GRK5: variants seen among roughly 807,000 people sequenced by gnomAD.
GRK5 encodes G protein-coupled receptor kinase 5.
In GRK5, 40 loss-of-function variants were observed where a neutral mutation model predicts 78.4. That is an observed-to-expected ratio of 0.51 (90% CI 0.40 to 0.66). The LOEUF (loss-of-function observed/expected upper bound fraction) is 0.66, where lower values mean the gene tolerates loss of function less well. GRK5 is among the 30% of genes least tolerant of loss of function. GRK5 has a pLI of 0.00. For synonymous variants in GRK5, 289 were observed against 296.8 expected, an observed-to-expected ratio of 0.97 and a Z score of 0.27; for missense variants, 598 against 759.9, an observed-to-expected ratio of 0.79 and a Z score of 2.50.
intron 1 of GRK5, among the ~76,000 whole-genome samples, chr10:119,224,757 C>T (rs1848708753): frequency 6.6e-6 from 1 of 152,134 alleles, no homozygotes; most frequent in Non-Finnish European, 1.5e-5. Context: ...GGTATCTTCT[C>T]CTGCTGTGCA....
chr10:119,411,250 T>G (rs1245732054), intron 4 of GRK5, among the ~76,000 whole-genome samples: 2 of 152,080 alleles, frequency 1.3e-5, no homozygotes, highest in Non-Finnish European at 2.9e-5. Context: ...GCAAGAGTGG[T>G]GGTGTGTGTC....
At chr10:119,393,717 C>T (rs777796149) in intron 3 of GRK5, among the ~76,000 whole-genome samples, 4 of 152,338 alleles carry the variant, frequency 2.6e-5, no homozygotes, top group Non-Finnish European at 2.9e-5. Flanking sequence ...ACTGCTGCCC[C>T]GTCGCTTGCT....
chr10:119,350,075 G>A (rs1851166571), intron 2 of GRK5, among the ~76,000 whole-genome samples: 1 of 152,254 alleles, frequency 6.6e-6, no homozygotes, highest in African/African-American at 2.4e-5. Flanking sequence ...ACCAGCTCAT[G>A]GCCAGAATGT....
intron 2 of GRK5, among the ~76,000 whole-genome samples, chr10:119,376,255 G>A (rs1447384058): frequency 6.6e-6 from 1 of 152,092 alleles, no homozygotes; most frequent in Non-Finnish European, 1.5e-5. Flanking sequence ...TCTTCCAAAT[G>A]TCACATCACA....
Position 119,452,826 on chromosome 10 carries a change from C to T in GRK5, c.1542+18C>T. ...AAAACGAGGTGAGCAGGGCAGACCA[C>T]TTGCTTTGGTCTGGGTGGGAGGGAG... is the stretch of plus-strand genomic sequence containing the variant. On this transcript the variant is annotated intron_variant, in intron 14 of 15. Coordinates refer to ENST00000392870, the MANE Select transcript of GRK5 (RefSeq NM_005308.3). The surrounding 1 kb of genome is among the most constrained non-coding windows in gnomAD (Gnocchi z 4.4). 1 of 721,454 alleles carries T rather than the reference C, an allele frequency of 1.4e-6. No homozygotes were observed. The highest frequency in any genetic ancestry group is 5.5e-5 in the East Asian group (1 of 18,328). The allele number at this position is 721,454 out of a possible 1,614,324, so 44.7% of individuals were successfully genotyped here. A position where few individuals can be genotyped will look rare whatever the true frequency, so the allele number is the denominator to read the frequency against.
At chr10:119,391,153 C>T (rs980936178) in intron 3 of GRK5, among the ~76,000 whole-genome samples, 6 of 152,238 alleles carry the variant, frequency 3.9e-5, no homozygotes, top group African/African-American at 1.4e-4. Flanking sequence ...AGGTTCCATC[C>T]CATCTATTGC....
intron 9 of GRK5, among the ~76,000 whole-genome samples, chr10:119,437,752 T>G (rs1375258229): frequency 6.6e-6 from 1 of 152,228 alleles, no homozygotes; most frequent in African/African-American, 2.4e-5. Flanking sequence ...AATATATAGA[T>G]ACATACAAGA....
chr10:119,411,598 C>T (rs1400399374), intron 4 of GRK5, among the ~76,000 whole-genome samples: 2 of 152,046 alleles, frequency 1.3e-5, no homozygotes, highest in African/African-American at 2.4e-5. Flanking sequence ...AGGTTAGGTA[C>T]AAAAGTGAAT....
rs200032358 is a variant in GRK5 at position 119,306,129 on chromosome 10, G to C, written c.53-20387G>C. 2.0e-4 allele frequency among the ~76,000 whole-genome samples: 30 copies of C among 152,266 alleles called. No homozygotes were observed. In the East Asian group the frequency reaches 4.1e-3, roughly 21 times the overall value. ...CCCGCCTGGGCTGGATTTGGGGGAG[G>C]GGGGAGCCTTTTGGATGAGTCAGTC... On this transcript the variant is annotated intron_variant, in intron 1 of 15. Transcript: ENST00000392870.
chr10:119,397,409 G>A (rs1208999070), intron 4 of GRK5, among the ~76,000 whole-genome samples: 1 of 152,168 alleles, frequency 6.6e-6, no homozygotes, highest in East Asian at 1.9e-4. Flanking sequence ...GTGTTCTAGT[G>A]TCAGTGGTTC....
At chr10:119,374,430 C>G (rs1278955765) in intron 2 of GRK5, among the ~76,000 whole-genome samples, 1 of 152,160 alleles carries the variant, frequency 6.6e-6, no homozygotes, top group Non-Finnish European at 1.5e-5. Context: ...CCCAAGCACC[C>G]AAACCTCACC....
Position 119,430,020 on chromosome 10 carries a change from G to A in GRK5, c.534-355G>A, listed in dbSNP as rs1564932042. ...CACCCCTTCCTGCACAGAAGGCACA[G>A]CTTCCTTCTGAGTTTCGCCGCATGA... On this transcript the variant is annotated intron_variant, in intron 6 of 15. Coordinates refer to ENST00000392870, the MANE Select transcript of GRK5 (RefSeq NM_005308.3). The surrounding 1 kb of genome is among the most constrained non-coding windows in gnomAD (Gnocchi z 4.5). 6.6e-6 allele frequency among the ~76,000 whole-genome samples: 1 copy of A among 152,170 alleles called. No homozygotes were observed.
intron 4 of GRK5, among the ~76,000 whole-genome samples, chr10:119,407,053 G>A (rs1029877495): frequency 2.6e-5 from 4 of 152,214 alleles, no homozygotes; most frequent in South Asian, 2.1e-4. Flanking sequence ...GGCCCCGCAC[G>A]CAGTTTTATC....
At chr10:119,293,601 G>T (rs975162583) in intron 1 of GRK5, among the ~76,000 whole-genome samples, 3 of 152,218 alleles carry the variant, frequency 2.0e-5, no homozygotes, top group Non-Finnish European at 4.4e-5. Context: ...CAGGTACCAA[G>T]TATCAGGCAA....
At chr10:119,330,005 G>A (rs192332336) in intron 2 of GRK5, among the ~76,000 whole-genome samples, 115 of 151,804 alleles carry the variant, frequency 7.6e-4, no homozygotes, top group African/African-American at 2.7e-3. Flanking sequence ...TGGGATTACA[G>A]GTACCTGCCA....
At chr10:119,322,282 G>A (rs7091519) in intron 1 of GRK5, among the ~76,000 whole-genome samples, 1 of 152,100 alleles carries the variant, frequency 6.6e-6, no homozygotes, top group Admixed American at 6.5e-5. Context: ...AGCCAACCAT[G>A]CTTTGTTCCA....
At chr10:119,239,507 A>T (rs1848985760) in intron 1 of GRK5, among the ~76,000 whole-genome samples, 1 of 152,112 alleles carries the variant, frequency 6.6e-6, no homozygotes, top group South Asian at 2.1e-4. Flanking sequence ...AAGTCCTGGG[A>T]TTACAGGCAT....
chr10:119,414,030 G>T (rs572796829), intron 4 of GRK5, among the ~76,000 whole-genome samples: 4 of 152,316 alleles, frequency 2.6e-5, no homozygotes, highest in African/African-American at 9.6e-5. Context: ...GGCCTCCCAA[G>T]AAATGACCTC....
Position 119,360,257 on chromosome 10 carries a change from A to G in GRK5, c.149-20558A>G, listed in dbSNP as rs74697517. On this transcript the variant is annotated intron_variant, in intron 2 of 15. Transcript: ENST00000392870. ...TTCCTCTCTGTAGACCACAGTGCCC[A>G]GCCCTGCCCCAAAGCAGAGCCAGAG... 3.6e-3 allele frequency among the ~76,000 whole-genome samples: 551 copies of G among 152,330 alleles called. 10 individuals are homozygous for G. Among genetic ancestry groups the G allele is most frequent in the Admixed American group, 0.018 (279 of 15,304 alleles).
Sources: allele counts gnomAD v4.1 joint callset (sites outside exome capture counted in the v4.1 genomes callset), GRCh38; gene constraint gnomAD v4.1.1; non-coding constraint Gnocchi (gnomAD v3.1); transcripts MANE v1.5; gene names NCBI Gene and HGNC (gene_info 2026-07-23, HGNC 2026-07-21).